The following SLC24A3 variants were observed in gnomAD, a reference collection of about 807,000 sequenced individuals.
SLC24A3 encodes the protein solute carrier family 24 member 3.
In SLC24A3, 28 loss-of-function variants were observed where a neutral mutation model predicts 75.8. That is an observed-to-expected ratio of 0.37 (90% confidence interval 0.27 to 0.51). The LOEUF is 0.51. Ranked by LOEUF, SLC24A3 falls within the 20% of genes least tolerant of loss-of-function variation. The pLI is 0.94. For synonymous variants in SLC24A3, 372 were observed against 334.1 expected, an observed-to-expected ratio of 1.11 and a Z score of -1.24; for missense variants, 663 against 847.8, an observed-to-expected ratio of 0.78 and a Z score of 2.71.
rs1043333780 is a variant in SLC24A3, at chr20:19,515,435, C to T, written c.272-53C>T. 25 of 1,548,866 alleles carry T rather than the reference C, an allele frequency of 1.6e-5. No homozygotes were observed. In the African/African-American group the frequency reaches 3.3e-4, roughly 20 times the overall value. ...AAAACCAAGACTCCCAGACCTACAG[C>T]ACTGAAAATGTGGTCACCTGTGCTG... On this transcript the variant is annotated intron_variant, in intron 2 of 16. Coordinates refer to ENST00000328041, the MANE Select transcript of SLC24A3 (RefSeq NM_020689.4).
chr20:19,383,700 A>G (rs1253636795), intron 2 of SLC24A3, among the ~76,000 whole-genome samples: 1 of 152,154 alleles, frequency 6.6e-6, no homozygotes, highest in East Asian at 1.9e-4. Context: ...AACAACAGAA[A>G]TTTCTTTCTC....
intron 1 of SLC24A3, among the ~76,000 whole-genome samples, chr20:19,254,825 C>T (rs1982765003): frequency 6.6e-6 from 1 of 152,142 alleles, no homozygotes; most frequent in Admixed American, 6.5e-5. Flanking sequence ...GGTCAGGAAC[C>T]TGCATCCTAG....
chr20:19,460,562 A>G (rs1987653051), intron 2 of SLC24A3, among the ~76,000 whole-genome samples: 1 of 152,192 alleles, frequency 6.6e-6, no homozygotes, highest in Non-Finnish European at 1.5e-5. Context: ...TGTGGCAGCA[A>G]GCAGAGAGGA....
At chr20:19,407,920 G>A (rs1407897177) in intron 2 of SLC24A3, among the ~76,000 whole-genome samples, 1 of 152,192 alleles carries the variant, frequency 6.6e-6, no homozygotes, top group African/African-American at 2.4e-5. Context: ...AAGGATGAAG[G>A]CTGCTACAGT....
At chr20:19,333,490 C>T (rs1293692706) in intron 2 of SLC24A3, among the ~76,000 whole-genome samples, 3 of 152,050 alleles carry the variant, frequency 2.0e-5, no homozygotes, top group Non-Finnish European at 4.4e-5. Flanking sequence ...ATTGTTTCAC[C>T]AAAGCGGTTT....
At chr20:19,545,833 G>A (rs911639366) in intron 3 of SLC24A3, among the ~76,000 whole-genome samples, 3 of 152,060 alleles carry the variant, frequency 2.0e-5, no homozygotes, top group Admixed American at 6.5e-5. Flanking sequence ...TTCTTTGGAC[G>A]TAAACACCAT....
intron 14 of SLC24A3, 110 bp from the exon 15 acceptor site, chr20:19,698,458 A>G (rs1156669231): frequency 4.4e-6 from 3 of 676,296 alleles, no homozygotes; most frequent in Admixed American, 4.9e-5. Context: ...AGAAGCACAT[A>G]TGTGAGCTTG....
At chr20:19,652,920 G>A (rs1027618103) in intron 6 of SLC24A3, among the ~76,000 whole-genome samples, 2 of 152,156 alleles carry the variant, frequency 1.3e-5, no homozygotes, top group African/African-American at 4.8e-5. Context: ...ACTACGCCAA[G>A]GGCAAAGGTA....
At position 19,693,444 on chromosome 20, in the gene SLC24A3, C is replaced by T. The variant is rs1352361671; in HGVS notation, c.1491+19C>T. 1 of 1,612,028 alleles carries T rather than the reference C, an allele frequency of 6.2e-7. No individual in the cohort carries two copies. ...GTGGATGGTGAGTGCAATCGGGACC[C>T]CATGGCACTGTTAAATCTCTTTAGA... On this transcript the variant is annotated intron_variant, in intron 13 of 16. Transcript: ENST00000328041.
At position 19,556,044 on chromosome 20, in the gene SLC24A3, G is replaced by C. The variant is rs537813943; in HGVS notation, c.349-23956G>C. ...TCTGGTTCAGAGATGCCACCTTTTT[G>C]CTGTGTCCTCACATGGTGGAAGGGG... On this transcript the variant is annotated intron_variant, in intron 3 of 16. Transcript: ENST00000328041. Among the ~76,000 whole-genome samples the C allele has an allele frequency of 2.8e-4, 43 of 152,210 alleles. No individual in the cohort carries two copies. The South Asian group carries it at 8.7e-3, about 31-fold the overall frequency.
intron 2 of SLC24A3, among the ~76,000 whole-genome samples, chr20:19,477,950 A>G (rs975695675): frequency 6.6e-6 from 1 of 152,242 alleles, no homozygotes; most frequent in African/African-American, 2.4e-5. Context: ...ACTGGAGGAT[A>G]GGAAACTATC....
At position 19,212,865 on chromosome 20, in the gene SLC24A3, A is replaced by T. The variant is rs577960314; in HGVS notation, c.23A>T (p.Asp8Val). 8.2e-7 allele frequency: 1 copy of T among 1,222,852 alleles called. No individual in the cohort carries two copies. Among genetic ancestry groups the T allele is most frequent in the South Asian group, 2.8e-5 (1 of 35,644 alleles). 75.8% of individuals were successfully genotyped at this position (1,222,852 alleles called of 1,614,324 possible). MRPSGDEDRARRRRRRRR... is the reference protein window; with the variant it reads MRPSGDEVRARRRRRRRR... ...AGGATGCGGCCGTCCGGCGACGAGG[A>T]CCGCGCGCGTCGCCGCCGCCGCCGC... Residue 8 changes from aspartate to valine, a missense_variant, in exon 1 of 17, where the codon GAC becomes GTC. Asp to Val is a radical substitution (Grantham distance 152). Transcript: ENST00000328041.
At chr20:19,271,231 A>G (rs1983320450) in intron 1 of SLC24A3, among the ~76,000 whole-genome samples, 1 of 152,188 alleles carries the variant, frequency 6.6e-6, no homozygotes, top group South Asian at 2.1e-4. Flanking sequence ...CAATTTCAAA[A>G]TGGGAATGTC....
intron 6 of SLC24A3, among the ~76,000 whole-genome samples, chr20:19,602,792 G>A (rs2031544117): frequency 6.6e-6 from 1 of 152,174 alleles, no homozygotes; most frequent in Admixed American, 6.5e-5. Flanking sequence ...GATGGCAAAG[G>A]CACGGGAGTC....
chr20:19,629,210 C>G (rs185554002), intron 6 of SLC24A3, among the ~76,000 whole-genome samples: 74 of 151,636 alleles, frequency 4.9e-4, no homozygotes, highest in African/African-American at 1.8e-3. Flanking sequence ...CAAAAAGAAA[C>G]TATAAAAAAG....
chr20:19,696,116 C>T (rs2032803250), intron 13 of SLC24A3, among the ~76,000 whole-genome samples: 1 of 146,376 alleles, frequency 6.8e-6, no homozygotes, highest in Non-Finnish European at 1.5e-5. Context: ...CTCCTGGGCT[C>T]AAGCCATCCT....
intron 8 of SLC24A3, among the ~76,000 whole-genome samples, chr20:19,671,075 A>G (rs1316655365): frequency 2.0e-5 from 3 of 152,260 alleles, no homozygotes; most frequent in Non-Finnish European, 4.4e-5. Context: ...TTTGAAGAAC[A>G]TAAACAGGGT....
At chr20:19,247,819 AC>A (rs1982539630) in intron 1 of SLC24A3, among the ~76,000 whole-genome samples, 1 of 152,230 alleles carries the variant, frequency 6.6e-6, no homozygotes, top group South Asian at 2.1e-4. Flanking sequence ...ATTTAAAGTT[AC>A]ATATGTGATT....
At chr20:19,574,480 G>A (rs574467430) in intron 3 of SLC24A3, among the ~76,000 whole-genome samples, 32 of 152,276 alleles carry the variant, frequency 2.1e-4, no homozygotes, top group Non-Finnish European at 4.0e-4. Context: ...CTGAACTGTT[G>A]AACTTGAACT....
Sources: gnomAD v4.1 joint callset for allele counts (sites outside exome capture counted in the v4.1 genomes callset) on GRCh38, gnomAD v4.1.1 for gene constraint, MANE v1.5 for transcripts, NCBI Gene and HGNC (gene_info 2026-07-23, HGNC 2026-07-21) for gene names.